Variants in ITIH4 observed in about 807,000 individuals in gnomAD.
ITIH4 encodes inter-alpha-trypsin inhibitor heavy chain H4.
A neutral mutation model predicts 111.8 loss-of-function variants in ITIH4; 79 were observed. The observed-to-expected ratio is 0.71, with a 90% CI of 0.59 to 0.85. The LOEUF (loss-of-function observed/expected upper bound fraction) is 0.85, where lower values mean the gene tolerates loss of function less well. Ranked by LOEUF, ITIH4 falls within the 40% of genes least tolerant of loss-of-function variation. The probability of loss-of-function intolerance (pLI) is 0.00; values close to 1 mark genes in which losing one functional copy is unlikely to be tolerated. For missense variants in ITIH4, 1,065 were observed against 1,195.8 expected (o/e 0.89, Z 1.61); for synonymous variants, 472 against 468.3 (o/e 1.01, Z -0.10).
At chr3:52,823,126 G>A (rs1466361957) in intron 11 of ITIH4, among the ~76,000 whole-genome samples, 1 of 152,180 alleles carries the variant, frequency 6.6e-6, no homozygotes, top group East Asian at 1.9e-4. Flanking sequence ...AAGGAGGCAG[G>A]GAAGGCTGGG....
intron 12 of ITIH4, 24 bp downstream of exon 12, chr3:52,820,967 T>A (rs754792779): frequency 2.5e-6 from 4 of 1,611,772 alleles, no homozygotes; most frequent in Non-Finnish European, 3.4e-6. Flanking sequence ...AGCGACAGGC[T>A]TAGGGAGGTG....
At position 52,813,436 on chromosome 3, in the gene ITIH4, C is replaced by G; in HGVS notation, c.2778G>C (p.Trp926Cys). 1 of 1,614,118 alleles carries G rather than the reference C, an allele frequency of 6.2e-7. No individual in the cohort carries two copies. ...TCCATCAGAACTACAGCTCCACAGA[C>G]CAGCAGGAAATCTCCACTCCCGGGG... is the stretch of plus-strand genomic sequence containing the variant. ...EGPPGVEISC[W>C]SVEL Residue 926 changes from tryptophan to cysteine, a missense_variant, in exon 24 of 24, where the codon TGG becomes TGC. By Grantham distance (215) the Trp-to-Cys change is radical. Coordinates refer to ENST00000266041, the MANE Select transcript of ITIH4 (RefSeq NM_002218.5).
At position 52,830,586 on chromosome 3, in the gene ITIH4, C is replaced by T. The variant is rs1244557247; in HGVS notation, c.57G>A (p.Leu19=). Residue 19 remains leucine, a synonymous_variant, in exon 1 of 24, where the codon CTG becomes CTA. Coordinates refer to ENST00000266041, the MANE Select transcript of ITIH4 (RefSeq NM_002218.5). ...TCSKVLVLLS[L]LAIHQTTTAE... is the part of the protein sequence containing the mutation. ...CAGTAGTAGTCTGGTGGATGGCCAG[C>T]AGTGAAAGCAGGACGAGAACTTTGC... 1.9e-6 allele frequency: 3 copies of T among 1,614,158 alleles called. No individual in the cohort carries two copies. Among genetic ancestry groups the T allele is most frequent in the South Asian group, 1.1e-5 (1 of 91,078 alleles).
intron 11 of ITIH4, among the ~76,000 whole-genome samples, chr3:52,821,744 T>C (rs976120598): frequency 3.3e-5 from 5 of 152,056 alleles, no homozygotes; most frequent in African/African-American, 1.2e-4. Context: ...GGGCCTGTGG[T>C]CTCAGACTGA....
In ITIH4 at chr3:52,818,122, A is replaced by T. The variant is rs2245536; in HGVS notation, c.2226T>A (p.Ser742Arg). Reference sequence around the variant, plus strand: ...TGGGGTCCACACAGAGCCGCTCCACACTCTGCCCAGGCAGTGGCAGGATGG... The same window carrying T: ...TGGGGTCCACACAGAGCCGCTCCACTCTCTGCCCAGGCAGTGGCAGGATGG... Reference protein sequence around the residue: ...PSAILPLPGQSVERLCVDPRH... With the variant: ...PSAILPLPGQRVERLCVDPRH... Residue 742 changes from serine (S) to arginine (R), a missense_variant, in exon 20 of 24, where the codon AGT becomes AGA. Physicochemically the swap from Ser to Arg is moderately radical, Grantham distance 110. Transcript: ENST00000266041. The T allele has an allele frequency of 1.2e-6, 2 of 1,613,486 alleles. No individual in the cohort carries two copies. Among genetic ancestry groups the T allele is most frequent in the Non-Finnish European group, 1.7e-6 (2 of 1,179,846 alleles).
chr3:52,819,668 C>T, intron 16 of ITIH4, 86 bp downstream of exon 16: 4 of 1,576,244 alleles, frequency 2.5e-6, no homozygotes, highest in South Asian at 2.2e-5. Context: ...TCTCCCCCAA[C>T]AGCTGGGAGA....
At position 52,819,925 on chromosome 3, in the gene ITIH4, C is replaced by G. The variant is rs1394678320; in HGVS notation, c.1912+15G>C. Reference sequence around the variant, plus strand: ...ATCTGTCAATCTCCCCTCCCCCCACCTCCTACTTTGTCACCTGGTTTTGGT... The same window carrying G: ...ATCTGTCAATCTCCCCTCCCCCCACGTCCTACTTTGTCACCTGGTTTTGGT... On this transcript the variant is annotated intron_variant, in intron 15 of 23. Transcript: ENST00000266041. 1.2e-6 allele frequency: 2 copies of G among 1,613,214 alleles called. No homozygotes were observed. The highest frequency in any genetic ancestry group is 2.2e-5 in the East Asian group (1 of 44,868).
At chr3:52,818,354 G>C in intron 18 of ITIH4, 71 bp from the exon 19 acceptor site, 1 of 1,570,414 alleles carries the variant, frequency 6.4e-7, no homozygotes. Context: ...AGGGAGCAGT[G>C]ACTAGGTGTG....
In ITIH4 at chr3:52,829,243, T is replaced by C; in HGVS notation, c.127A>G (p.Arg43Gly). The C allele has an allele frequency of 6.2e-7, 1 of 1,613,028 alleles. No homozygotes were observed. Among genetic ancestry groups the C allele is most frequent in the Non-Finnish European group, 8.5e-7 (1 of 1,179,108 alleles). The change falls in exon 2 of 24, where the codon AGG (arginine) becomes GGG (glycine). Residue 43 changes from arginine (R) to glycine (G), a missense_variant. By Grantham distance (125) the Arg-to-Gly change is moderately radical. Transcript: ENST00000266041. ...GTGTGGGCAAATCGGGATGAGACCC[T>C]GGAGTCCACGGTGAGGCTGTAGATG... is the stretch of plus-strand genomic sequence containing the variant. ...IDIYSLTVDS[R>G]VSSRFAHTVV...
chr3:52,823,514 G>A, intron 11 of ITIH4, 42 bp downstream of exon 11: 1 of 1,522,206 alleles, frequency 6.6e-7, no homozygotes, highest in Non-Finnish European at 8.9e-7. Context: ...TGCAGAGGTG[G>A]AGGCTGCCAT....
At chr3:52,817,922 A>ACC in intron 20 of ITIH4, 130 bp downstream of exon 20, 1 of 764,638 alleles carries the variant, frequency 1.3e-6, no homozygotes, top group Non-Finnish European at 2.3e-6. Context: ...CAGCACTGGG[A>ACC]GGCAGGACCA....
intron 1 of ITIH4, among the ~76,000 whole-genome samples, chr3:52,829,516 G>T (rs1053712077): frequency 1.3e-5 from 2 of 152,188 alleles, no homozygotes; most frequent in African/African-American, 4.8e-5. Flanking sequence ...ACAGGGCAGG[G>T]GCCACGTCCT....
At chr3:52,823,259 G>C (rs1375428107) in intron 11 of ITIH4, 3 of 349,458 alleles carry the variant, frequency 8.6e-6, no homozygotes, top group Non-Finnish European at 1.6e-5. Flanking sequence ...AGCCCTCCCT[G>C]TCTGACTGCA....
At position 52,819,438 on chromosome 3, in the gene ITIH4, C is replaced by T. The variant is rs572048165; in HGVS notation, c.2032G>A (p.Val678Ile). The part of the protein sequence containing the change: ...RQLGLPGPPD[V>I]PDHAAYHPFR... ...GGGTGGTAAGCAGCATGGTCAGGAA[C>T]ATCAGGAGGTCCTGGGAGTCCAAGT... The change falls in exon 17 of 24, where the codon GTT becomes ATT. Residue 678 changes from valine to isoleucine, a missense_variant. Coordinates refer to ENST00000266041, the MANE Select transcript of ITIH4 (RefSeq NM_002218.5). 1.2e-6 allele frequency: 2 copies of T among 1,614,158 alleles called. No individual in the cohort carries two copies. The highest frequency in any genetic ancestry group is 1.1e-5 in the South Asian group (1 of 91,076).
chr3:52,813,918 C>T, intron 23 of ITIH4, 57 bp downstream of exon 23: 9 of 1,408,130 alleles, frequency 6.4e-6, no homozygotes, highest in South Asian at 2.4e-5. Context: ...TGGCTCCTGG[C>T]CTGCCAGTCC....
In ITIH4 at chr3:52,825,431, G is replaced by GAA. The variant is rs57121229; in HGVS notation, c.759+453_759+454dup. The GAA allele has an allele frequency of 3.5e-3, 487 of 138,306 alleles. 2 individuals carry two copies. Among genetic ancestry groups the GAA allele is most frequent in the African/African-American group, 8.7e-3 (320 of 36,982 alleles). 8.6% of individuals were successfully genotyped at this position (138,306 alleles called of 1,614,324 possible). On this transcript the variant is annotated intron_variant, in intron 6 of 23. Transcript: ENST00000266041. ...AGCCTGGGCAACCTTGTCTCTACTGGAAAAAAAAAAAAAAAAATTAGCCAG... is the reference window on the plus strand; with the variant it reads ...AGCCTGGGCAACCTTGTCTCTACTGGAAAAAAAAAAAAAAAAAAATTAGCCAG...
chr3:52,824,875 C>G lies in ITIH4; in HGVS notation c.843G>C (p.Lys281Asn). The stretch of plus-strand genomic sequence containing the variant: ...TTTTCCTGCCACTCATGGAGCCGCT[C>G]TTGTCAATGACAAAGACCACATTCT... ...MPKNVVFVID[K>N]SGSMSGRKIQ... The change falls in exon 7 of 24, where the codon AAG (lysine) becomes AAC (asparagine). Residue 281 changes from lysine (K) to asparagine (N), a missense_variant. Transcript: ENST00000266041. This position sits in a 1 kb window ranked among gnomAD's most constrained non-coding sequence, Gnocchi z 4.3. 6.2e-7 allele frequency: 1 copy of G among 1,614,130 alleles called. No homozygotes were observed. The highest frequency in any genetic ancestry group is 1.7e-5 in the Admixed American group (1 of 60,008).
chr3:52,828,321 G>A (rs948251231), intron 2 of ITIH4, among the ~76,000 whole-genome samples: 7 of 152,216 alleles, frequency 4.6e-5, no homozygotes, highest in Admixed American at 1.3e-4. Context: ...GCATAGGCCC[G>A]GGCTCTGGGT....
chr3:52,825,073 T>A, intron 6 of ITIH4, 115 bp from the exon 7 acceptor site: 1 of 649,968 alleles, frequency 1.5e-6, no homozygotes, highest in Non-Finnish European at 2.6e-6. Flanking sequence ...CCCATTTCCA[T>A]CCCACTGCTA....
Sources: gnomAD v4.1 joint callset for allele counts (sites outside exome capture counted in the v4.1 genomes callset) on GRCh38, gnomAD v4.1.1 for gene constraint, Gnocchi (gnomAD v3.1) non-coding constraint, MANE v1.5 for transcripts, NCBI Gene and HGNC (gene_info 2026-07-23, HGNC 2026-07-21) for gene names.